NOP58: variants seen among roughly 807,000 people sequenced by gnomAD.
NOP58 encodes NOP58 ribonucleoprotein.
NOP58 carries 44 observed loss-of-function variants against 71.2 expected under a neutral mutation model. The ratio of observed to expected loss-of-function variants is 0.62; its 90% CI spans 0.49 to 0.79. The LOEUF (loss-of-function observed/expected upper bound fraction) is 0.79. NOP58 is among the 30% of genes least tolerant of loss of function. NOP58 has a pLI of 0.00. For synonymous variants in NOP58, 228 were observed against 200.3 expected (o/e 1.14, Z -1.17); for missense variants, 538 against 620.2 (o/e 0.87, Z 1.41).
chr2:202,267,614 C>G (rs1319868676), intron 1 of NOP58, among the ~76,000 whole-genome samples: 1 of 152,188 alleles, frequency 6.6e-6, no homozygotes, highest in African/African-American at 2.4e-5. Flanking sequence ...TTCAAATTCT[C>G]TTAGCCAATG....
intron 5 of NOP58, among the ~76,000 whole-genome samples, chr2:202,286,601 G>A (rs558668861): frequency 2.0e-5 from 3 of 152,350 alleles, no homozygotes; most frequent in East Asian, 3.9e-4. Context: ...CTAAGCTAGA[G>A]TTAAGAGCAA....
chr2:202,269,683 A>G lies in NOP58; in HGVS notation c.45+3697A>G, dbSNP rs371374774. Among the ~76,000 whole-genome samples, 45 of 152,092 alleles carry G rather than the reference A, an allele frequency of 3.0e-4. No individual in the cohort carries two copies. In the East Asian group the frequency reaches 3.3e-3, roughly 11 times the overall value. On this transcript the variant is annotated intron_variant, in intron 1 of 14. Coordinates refer to ENST00000264279, the MANE Select transcript of NOP58 (RefSeq NM_015934.5). Reference sequence around the variant, plus strand: ...GTTGAACCTAGGAGCAGAGGTTGCAATGAGCTGCGGTCGCGCCACTGCAGT... The same window carrying G: ...GTTGAACCTAGGAGCAGAGGTTGCAGTGAGCTGCGGTCGCGCCACTGCAGT...
At chr2:202,290,927 T>G (rs539517129) in intron 7 of NOP58, 198 bp from the exon 8 acceptor site, 118 of 457,802 alleles carry the variant, frequency 2.6e-4, no homozygotes, top group African/African-American at 1.6e-3. Context: ...TGGAAGAAGG[T>G]GGTGGGGAGA....
At chr2:202,291,968 CTTTTTTTTTTTTTTTTTTTTTT>C (rs869075798) in intron 8 of NOP58, among the ~76,000 whole-genome samples, 2 of 43,946 alleles carry the variant, frequency 4.6e-5, no homozygotes, top group East Asian at 1.2e-3. Context: ...TGCTCAGAAT[CTTTTTTTTTTTTTTTTTTTTTT>C]TTTTTTTTTT....
chr2:202,300,406 C>G, intron 13 of NOP58, 39 bp downstream of exon 13: 1 of 1,520,620 alleles, frequency 6.6e-7, no homozygotes, highest in Non-Finnish European at 8.9e-7. Flanking sequence ...CTTATACTCA[C>G]TTCTTTAGAA....
chr2:202,294,050 C>T (rs1688948316), intron 9 of NOP58, among the ~76,000 whole-genome samples: 1 of 151,674 alleles, frequency 6.6e-6, no homozygotes, highest in African/African-American at 2.4e-5. Context: ...CGTGGTGGCT[C>T]ACGCCTGTAA....
intron 2 of NOP58, chr2:202,275,792 C>T (rs1688580559): frequency 6.6e-6 from 1 of 152,354 alleles, no homozygotes; most frequent in African/African-American, 2.4e-5. Context: ...CCTCAGTCCC[C>T]CAAGTAGTTG....
chr2:202,300,297 A>G lies in NOP58; in HGVS notation c.1332A>G (p.Lys444=), dbSNP rs1559268075. The G allele has an allele frequency of 6.2e-7, 1 of 1,603,522 alleles. No individual in the cohort carries two copies. Among genetic ancestry groups the G allele is most frequent in the Non-Finnish European group, 8.5e-7 (1 of 1,177,478 alleles). Residue 444 remains lysine (K), a synonymous_variant, in exon 13 of 15, where the codon AAA becomes AAG. Coordinates refer to ENST00000264279, the MANE Select transcript of NOP58 (RefSeq NM_015934.5). ...TTCCAACCTGTTCTAAAAAACGCAA[A>G]ATAGAACAGGTAGATAAAGAGGATG... is the stretch of plus-strand genomic sequence containing the variant. The part of the protein sequence containing the change: ...STLPTCSKKR[K]IEQVDKEDEI...
intron 8 of NOP58, 30 bp from the exon 9 acceptor site, chr2:202,292,747 T>C (rs770927613): frequency 3.2e-6 from 5 of 1,578,250 alleles, no homozygotes; most frequent in Admixed American, 3.3e-5. Context: ...TCATATGATA[T>C]TTGTGACTTA....
intron 1 of NOP58, among the ~76,000 whole-genome samples, chr2:202,273,648 A>T (rs543344180): frequency 1.3e-5 from 2 of 152,310 alleles, no homozygotes; most frequent in South Asian, 4.1e-4. Context: ...CTTGCTTCAA[A>T]ACAATACAAG....
chr2:202,301,142 G>A (rs774295308), intron 13 of NOP58, among the ~76,000 whole-genome samples: 5 of 151,988 alleles, frequency 3.3e-5, no homozygotes, highest in Admixed American at 6.6e-5. Flanking sequence ...TATCCAATAA[G>A]CTTTTCCAAT....
intron 3 of NOP58, 124 bp downstream of exon 3, chr2:202,278,126 G>A (rs1457678752): frequency 2.6e-6 from 2 of 762,222 alleles, no homozygotes; most frequent in Non-Finnish European, 4.9e-6. Flanking sequence ...TGTCAATGAT[G>A]CATTCTTATT....
chr2:202,283,234 T>C (rs546411453), intron 4 of NOP58, among the ~76,000 whole-genome samples: 10 of 152,236 alleles, frequency 6.6e-5, no homozygotes, highest in African/African-American at 1.4e-4. Context: ...TATTTTATTT[T>C]ATTTCATTTA....
intron 13 of NOP58, among the ~76,000 whole-genome samples, chr2:202,301,997 G>A (rs1429393335): frequency 2.0e-5 from 3 of 151,258 alleles, no homozygotes; most frequent in African/African-American, 4.9e-5. Flanking sequence ...TGCCTTGCTC[G>A]AATTGTTTAG....
chr2:202,283,404 T>C (rs1424226177), intron 4 of NOP58, among the ~76,000 whole-genome samples: 5 of 150,132 alleles, frequency 3.3e-5, no homozygotes, highest in Non-Finnish European at 5.9e-5. Context: ...CCTCCCAAAG[T>C]GCTAGGATTA....
Position 202,291,096 on chromosome 2 carries a change from C to G in NOP58, c.635-29C>G, listed in dbSNP as rs114777347. 1.8e-3 allele frequency: 2,754 copies of G among 1,524,454 alleles called. 54 individuals carry two copies. In the African/African-American group the frequency reaches 0.036, roughly 20 times the overall value. 94.4% of individuals were successfully genotyped at this position (1,524,454 alleles called of 1,614,324 possible). On this transcript the variant is annotated intron_variant, in intron 7 of 14. Coordinates refer to ENST00000264279, the MANE Select transcript of NOP58 (RefSeq NM_015934.5). ...TTATATAATTTGTTGAAGAGTGATT[C>G]TCCCTCATCCTCTGCAAACATTCCA...
In NOP58 at chr2:202,301,434, C is replaced by T. The variant is rs1049482240; in HGVS notation, c.1402+1067C>T. Among the ~76,000 whole-genome samples the T allele has an allele frequency of 3.9e-5, 6 of 152,252 alleles. No homozygotes were observed. In the South Asian group the frequency reaches 1.0e-3, roughly 26 times the overall value. ...TCCTGACCTTGTGATCCACCCACTC[C>T]GGCCTCCCAAACTGCTGGGATTACA... On this transcript the variant is annotated intron_variant, in intron 13 of 14. Coordinates refer to ENST00000264279, the MANE Select transcript of NOP58 (RefSeq NM_015934.5).
At chr2:202,283,241 T>G (rs1688734659) in intron 4 of NOP58, among the ~76,000 whole-genome samples, 1 of 152,024 alleles carries the variant, frequency 6.6e-6, no homozygotes, top group Non-Finnish European at 1.5e-5. Flanking sequence ...TTTTATTTCA[T>G]TTATTTGAGA....
chr2:202,279,734 C>T (rs1456817545), intron 3 of NOP58, among the ~76,000 whole-genome samples: 2 of 152,202 alleles, frequency 1.3e-5, no homozygotes, highest in African/African-American at 4.8e-5. Context: ...GCAGAGATAG[C>T]ACTGAGCCAA....
Sources: gnomAD v4.1 joint callset for allele counts (sites outside exome capture counted in the v4.1 genomes callset) on GRCh38, gnomAD v4.1.1 for gene constraint, MANE v1.5 for transcripts, NCBI Gene and HGNC (gene_info 2026-07-23, HGNC 2026-07-21) for gene names.